Variants in SVOPL observed in about 807,000 individuals in gnomAD.
The protein encoded by SVOPL is SVOP like.
In SVOPL, 60 loss-of-function variants were observed where a neutral mutation model predicts 61.0. The observed-to-expected ratio is 0.98, with a 90% CI of 0.80 to 1.22. SVOPL has a LOEUF of 1.22. Ranked by LOEUF, SVOPL falls within the 50% of genes most tolerant of loss-of-function variation. The pLI, the probability that SVOPL is intolerant of heterozygous loss-of-function variation, is 0.00. For synonymous variants in SVOPL, 279 were observed against 250.0 expected, an observed-to-expected ratio of 1.12 and a Z score of -1.09; for missense variants, 662 against 643.9, an observed-to-expected ratio of 1.03 and a Z score of -0.30.
intron 1 of SVOPL, among the ~76,000 whole-genome samples, chr7:138,683,990 T>C (rs1802752043): frequency 6.6e-6 from 1 of 150,760 alleles, no homozygotes; most frequent in Non-Finnish European, 1.5e-5. Context: ...GAAGCAGAGG[T>C]TGCAGTGAGC....
intron 1 of SVOPL, among the ~76,000 whole-genome samples, chr7:138,687,228 C>CTTTTTTTTTTTT (rs71179722): frequency 9.1e-5 from 7 of 77,024 alleles, no homozygotes; most frequent in African/African-American, 2.3e-4. Flanking sequence ...CTTTTTTCCT[C>CTTTTTTTTTTTT]TTTTTTTTTT....
chr7:138,594,539 T>A lies in SVOPL; in HGVS notation c.*71A>T. The A allele has an allele frequency of 6.7e-7, 1 of 1,494,896 alleles. No individual in the cohort carries two copies. The highest frequency in any genetic ancestry group is 9.1e-7 in the Non-Finnish European group (1 of 1,101,020). 92.6% of individuals were successfully genotyped at this position (1,494,896 alleles called of 1,614,324 possible). On this transcript the variant is annotated 3_prime_UTR_variant, in exon 16 of 16. Transcript: ENST00000674285. ...AGCATACAGAAGTAAAACCAAGTTT[T>A]AAAAAAATGCACCGCAGTTCTGAAG... is the stretch of plus-strand genomic sequence containing the variant.
chr7:138,684,054 G>C (rs10242265), intron 1 of SVOPL, among the ~76,000 whole-genome samples: 49,321 of 150,946 alleles, frequency 0.33, 10,825 homozygotes, highest in African/African-American at 0.63. Context: ...CTCTATCTCG[G>C]CAGGGGGGCA....
intron 7 of SVOPL, 50 bp from the exon 8 acceptor site, chr7:138,649,187 T>C: frequency 7.0e-7 from 1 of 1,426,542 alleles, no homozygotes; most frequent in Non-Finnish European, 9.2e-7. Context: ...ATTATGACAA[T>C]GAAAAAAAAA....
At chr7:138,613,712 A>G (rs994472957) in intron 14 of SVOPL, among the ~76,000 whole-genome samples, 6 of 152,164 alleles carry the variant, frequency 3.9e-5, no homozygotes, top group African/African-American at 1.4e-4. Context: ...ATTTTACATT[A>G]ATTGCATATT....
At position 138,630,065 on chromosome 7, in the gene SVOPL, G is replaced by A; in HGVS notation, c.847C>T (p.Gln283Ter). The A allele has an allele frequency of 6.2e-7, 1 of 1,613,772 alleles. No homozygotes were observed. ...CACTCTTACCATATGACCCAGATCTGTAATGTGGTCCGTAAATATTTAGCA... is the reference window on the plus strand; with the variant it reads ...CACTCTTACCATATGACCCAGATCTATAATGTGGTCCGTAAATATTTAGCA... ...LDAKYLRTTL[Q>*]IWVIWLGISF... Residue 283 changes from glutamine (Q) to a stop codon, truncating the protein, a stop_gained, in exon 10 of 16, where the codon CAG becomes TAG. Transcript: ENST00000674285. LOFTEE classifies it high-confidence loss of function.
intron 9 of SVOPL, among the ~76,000 whole-genome samples, chr7:138,644,309 A>G (rs557800357): frequency 3.6e-4 from 54 of 151,782 alleles, no homozygotes; most frequent in African/African-American, 1.2e-3. Context: ...AGCCAATTTC[A>G]CCAAATGTTC....
At chr7:138,660,254 T>C in intron 5 of SVOPL, 1 of 1,168,934 alleles carries the variant, frequency 8.6e-7, no homozygotes, top group African/African-American at 1.6e-5. Context: ...GTCCCTGAAC[T>C]TGGACATCAA....
chr7:138,627,539 C>T, intron 11 of SVOPL, 78 bp from the exon 12 acceptor site: 3 of 1,087,878 alleles, frequency 2.8e-6, no homozygotes, highest in Non-Finnish European at 2.7e-6. Flanking sequence ...ATGGATTCAT[C>T]CTTGTCGTTT....
At chr7:138,601,419 G>A (rs1798519683) in intron 14 of SVOPL, among the ~76,000 whole-genome samples, 1 of 151,842 alleles carries the variant, frequency 6.6e-6, no homozygotes. Context: ...TGAAAGAAGA[G>A]TCCGCCTTGA....
intron 5 of SVOPL, chr7:138,660,842 T>C: frequency 1.0e-6 from 1 of 984,396 alleles, no homozygotes; most frequent in Non-Finnish European, 1.2e-6. Context: ...GTGTTATATA[T>C]AGTAAGGGTG....
intron 1 of SVOPL, among the ~76,000 whole-genome samples, chr7:138,686,360 C>G (rs996149535): frequency 5.0e-5 from 7 of 140,358 alleles, no homozygotes; most frequent in Non-Finnish European, 9.0e-5. Flanking sequence ...TAGCCGAGAT[C>G]GTGCCACTTC....
chr7:138,693,374 C>T (rs887776217), intron 1 of SVOPL, among the ~76,000 whole-genome samples: 2 of 151,452 alleles, frequency 1.3e-5, no homozygotes, highest in African/African-American at 4.9e-5. Flanking sequence ...TAAAAATTAG[C>T]TGGGCATGGT....
At chr7:138,677,706 C>T (rs1802600465) in intron 3 of SVOPL, among the ~76,000 whole-genome samples, 1 of 149,866 alleles carries the variant, frequency 6.7e-6, no homozygotes, top group East Asian at 2.0e-4. Flanking sequence ...TAAGGGCAGC[C>T]ACTATAAGAC....
At chr7:138,682,743 T>C (rs1006850116) in intron 1 of SVOPL, among the ~76,000 whole-genome samples, 2 of 151,868 alleles carry the variant, frequency 1.3e-5, no homozygotes, top group African/African-American at 2.4e-5. Flanking sequence ...CCAAGGTGGG[T>C]GGATCACCTG....
chr7:138,632,847 C>T (rs1400006485), intron 9 of SVOPL, among the ~76,000 whole-genome samples: 1 of 152,144 alleles, frequency 6.6e-6, no homozygotes, highest in Admixed American at 6.5e-5. Flanking sequence ...ATGCCAAAAA[C>T]GGTTGTACTC....
intron 13 of SVOPL, among the ~76,000 whole-genome samples, chr7:138,622,046 CTATCTATGTATCTATCTATCTATG>C (rs1799631007): frequency 1.5e-5 from 1 of 68,694 alleles, no homozygotes; most frequent in Non-Finnish European, 2.8e-5. Flanking sequence ...ATGTATCTAT[CTATCTATGTATCTATCTATCTATG>C]TATCTATCTA....
chr7:138,648,383 G>A (rs182518952), intron 8 of SVOPL, among the ~76,000 whole-genome samples: 47 of 152,092 alleles, frequency 3.1e-4, no homozygotes, highest in Middle Eastern at 3.4e-3. Context: ...CAAGATGGGC[G>A]GATCACTTTA....
intron 14 of SVOPL, among the ~76,000 whole-genome samples, chr7:138,619,872 G>A (rs2116864855): frequency 6.6e-6 from 1 of 152,222 alleles, no homozygotes; most frequent in South Asian, 2.1e-4. Flanking sequence ...CGAAGGGTTT[G>A]TGTTCGGGAT....
Sources: allele counts gnomAD v4.1 joint callset (sites outside exome capture counted in the v4.1 genomes callset), GRCh38; gene constraint gnomAD v4.1.1; transcripts MANE v1.5; gene names NCBI Gene and HGNC (gene_info 2026-07-23, HGNC 2026-07-21).